The following PHKB variants were observed in gnomAD, a reference collection of about 807,000 sequenced individuals.
PHKB encodes phosphorylase b kinase regulatory subunit beta.
In PHKB, 122 loss-of-function variants were observed where a neutral mutation model predicts 152.1. The observed-to-expected ratio is 0.80, with a 90% CI of 0.69 to 0.93. The LOEUF (loss-of-function observed/expected upper bound fraction) is 0.93, where lower values mean the gene tolerates loss of function less well. PHKB is among the 40% of genes least tolerant of loss of function. PHKB has a pLI of 0.00. For synonymous variants in PHKB, 436 were observed against 464.9 expected (o/e 0.94, Z 0.80); for missense variants, 1,304 against 1,328.4 (o/e 0.98, Z 0.29).
chr16:47,637,843 G>T (rs1310062357), intron 14 of PHKB, among the ~76,000 whole-genome samples: 1 of 152,168 alleles, frequency 6.6e-6, no homozygotes, highest in African/African-American at 2.4e-5. Context: ...ATTTCTCGCA[G>T]TTCTAAAAGC....
chr16:47,600,613 G>A (rs1168977055), intron 13 of PHKB, among the ~76,000 whole-genome samples: 2 of 152,154 alleles, frequency 1.3e-5, no homozygotes, highest in African/African-American at 4.8e-5. Flanking sequence ...GTGATTTTTA[G>A]CCTACGACGT....
chr16:47,665,274 G>A (rs555452152), intron 25 of PHKB: 26 of 331,962 alleles, frequency 7.8e-5, no homozygotes, highest in African/African-American at 4.7e-4. Context: ...AAAGTTCCAC[G>A]AGAATTTTTA....
intron 13 of PHKB, among the ~76,000 whole-genome samples, chr16:47,604,116 T>C (rs1448216994): frequency 6.6e-6 from 1 of 152,236 alleles, no homozygotes; most frequent in African/African-American, 2.4e-5. Context: ...ATATTCTGAC[T>C]ATTAGAAACA....
intron 1 of PHKB, among the ~76,000 whole-genome samples, chr16:47,464,924 G>A (rs1190268481): frequency 6.6e-6 from 1 of 152,182 alleles, no homozygotes; most frequent in Non-Finnish European, 1.5e-5. Context: ...AATGTGAGAT[G>A]AGCACCCCCA....
chr16:47,576,666 A>G (rs1229506252), intron 7 of PHKB, among the ~76,000 whole-genome samples: 2 of 152,248 alleles, frequency 1.3e-5, no homozygotes, highest in African/African-American at 2.4e-5. Flanking sequence ...TAGGATTGCT[A>G]TGTCTTCTTC....
intron 20 of PHKB, among the ~76,000 whole-genome samples, chr16:47,654,189 G>C (rs1973290317): frequency 6.6e-6 from 1 of 152,176 alleles, no homozygotes; most frequent in Non-Finnish European, 1.5e-5. Flanking sequence ...ATAGACGTCA[G>C]AATAACTACG....
chr16:47,586,347 A>G (rs777177648), intron 8 of PHKB, among the ~76,000 whole-genome samples: 1 of 152,196 alleles, frequency 6.6e-6, no homozygotes, highest in African/African-American at 2.4e-5. Context: ...ACCAGTAGAG[A>G]TGGGAGGTTG....
intron 7 of PHKB, among the ~76,000 whole-genome samples, chr16:47,567,811 T>A (rs1245586622): frequency 7.9e-5 from 12 of 152,318 alleles, no homozygotes; most frequent in East Asian, 1.9e-4. Flanking sequence ...TGGTTTCTGT[T>A]TTTTATTCTG....
At chr16:47,595,542 T>C (rs543562168) in intron 12 of PHKB, among the ~76,000 whole-genome samples, 2 of 152,220 alleles carry the variant, frequency 1.3e-5, no homozygotes, top group Non-Finnish European at 2.9e-5. Context: ...TCTTCGGTGA[T>C]ATTGAATGGT....
At chr16:47,492,938 C>T (rs1317299006) in intron 1 of PHKB, among the ~76,000 whole-genome samples, 1 of 152,162 alleles carries the variant, frequency 6.6e-6, no homozygotes, top group Admixed American at 6.5e-5. Flanking sequence ...CTTGCAGGCA[C>T]TTTAAAGGGC....
intron 7 of PHKB, among the ~76,000 whole-genome samples, chr16:47,569,384 C>T (rs1294633238): frequency 6.6e-6 from 1 of 152,138 alleles, no homozygotes; most frequent in African/African-American, 2.4e-5. Context: ...TTCCTTGACT[C>T]TACAAGAATC....
intron 20 of PHKB, 126 bp downstream of exon 20, chr16:47,651,047 A>G: frequency 1.4e-6 from 1 of 736,280 alleles, no homozygotes; most frequent in Non-Finnish European, 2.4e-6. Context: ...CTATCTTCCT[A>G]TTCCTATTGT....
At chr16:47,646,969 CATTG>C (rs1973140184) in intron 16 of PHKB, among the ~76,000 whole-genome samples, 1 of 152,114 alleles carries the variant, frequency 6.6e-6, no homozygotes, top group African/African-American at 2.4e-5. Context: ...TCAGCTCTGA[CATTG>C]ATTAACTCCT....
rs1263801742 is a variant in PHKB at position 47,701,148 on chromosome 16, G to C, written c.*1782G>C. 3 of 152,014 alleles carry C rather than the reference G, an allele frequency of 2.0e-5. No homozygotes were observed. The highest frequency in any genetic ancestry group is 7.2e-5 in the African/African-American group (3 of 41,428). The allele number at this position is 152,014 out of a possible 1,614,324, so 9.4% of individuals were successfully genotyped here. On this transcript the variant is annotated 3_prime_UTR_variant, in exon 31 of 31. Coordinates refer to ENST00000323584, the MANE Select transcript of PHKB (RefSeq NM_000293.3). ...GCATGAAGTCCATGGAGAGGGAATT[G>C]AGAGCTGACACTTCATAACTGGAGA...
At chr16:47,534,246 A>G (rs1022851680) in intron 6 of PHKB, among the ~76,000 whole-genome samples, 1 of 152,256 alleles carries the variant, frequency 6.6e-6, no homozygotes, top group African/African-American at 2.4e-5. Context: ...AGGGTACCAC[A>G]GACAGGTTAC....
At chr16:47,586,115 A>G (rs1298715653) in intron 8 of PHKB, among the ~76,000 whole-genome samples, 5 of 152,122 alleles carry the variant, frequency 3.3e-5, no homozygotes, top group Non-Finnish European at 7.4e-5. Context: ...AAGTGCCCCA[A>G]CTTCCCTGGG....
At chr16:47,681,671 C>T (rs1413313355) in intron 26 of PHKB, among the ~76,000 whole-genome samples, 4 of 151,996 alleles carry the variant, frequency 2.6e-5, no homozygotes, top group Admixed American at 1.3e-4. Context: ...TGTCTCTGCA[C>T]GTGAGATGGG....
At chr16:47,621,795 A>G (rs945981205) in intron 14 of PHKB, among the ~76,000 whole-genome samples, 3 of 152,190 alleles carry the variant, frequency 2.0e-5, no homozygotes, top group Non-Finnish European at 4.4e-5. Context: ...GTTTCTCCTC[A>G]GGTAATTCTG....
intron 26 of PHKB, among the ~76,000 whole-genome samples, chr16:47,688,681 CTTTT>C (rs75628138): frequency 2.4e-5 from 3 of 124,654 alleles, no homozygotes; most frequent in Non-Finnish European, 3.5e-5. Context: ...GCTCTCTTTC[CTTTT>C]TTTTTTTTTT....
Sources: gnomAD v4.1 joint callset for allele counts (sites outside exome capture counted in the v4.1 genomes callset) on GRCh38, gnomAD v4.1.1 for gene constraint, MANE v1.5 for transcripts, NCBI Gene and HGNC (gene_info 2026-07-23, HGNC 2026-07-21) for gene names.